Variants in SLFN11 observed in about 807,000 individuals in gnomAD.
The protein encoded by SLFN11 is schlafen family member 11.
A neutral mutation model predicts 53.4 loss-of-function variants in SLFN11; 43 were observed. The observed-to-expected ratio is 0.80, with a 90% CI of 0.63 to 1.04. SLFN11 has a LOEUF of 1.04. Ranked by LOEUF, SLFN11 falls within the 50% of genes least tolerant of loss-of-function variation. The probability of loss-of-function intolerance (pLI) is 0.00; values close to 1 mark genes in which losing one functional copy is unlikely to be tolerated. For synonymous variants in SLFN11, 389 were observed against 394.7 expected (o/e 0.99, Z 0.17); for missense variants, 990 against 1,079.1 (o/e 0.92, Z 1.16).
Position 35,350,874 on chromosome 17 carries a change from T to C in SLFN11, c.*1482A>G, listed in dbSNP as rs1265900831. On this transcript the variant is annotated 3_prime_UTR_variant, in exon 7 of 7. Transcript: ENST00000685675. The stretch of plus-strand genomic sequence containing the variant: ...ATATTGGTCATATGATTTCTTAGTT[T>C]CCATTAGTTATGCAAATATTTTACT... The C allele has an allele frequency of 1.3e-5, 2 of 152,234 alleles. No individual in the cohort carries two copies. Among genetic ancestry groups the C allele is most frequent in the Non-Finnish European group, 2.9e-5 (2 of 68,046 alleles). 9.4% of individuals were successfully genotyped at this position (152,234 alleles called of 1,614,324 possible).
intron 3 of SLFN11, among the ~76,000 whole-genome samples, chr17:35,365,778 G>A (rs938023258): frequency 1.3e-5 from 2 of 151,668 alleles, no homozygotes; most frequent in East Asian, 1.9e-4. Flanking sequence ...TTAAAAAGCA[G>A]GTTTGCAAAA....
Position 35,363,386 on chromosome 17 carries a change from C to G in SLFN11, c.422G>C (p.Arg141Pro). 2 of 1,613,926 alleles carry G rather than the reference C, an allele frequency of 1.2e-6. No homozygotes were observed. The highest frequency in any genetic ancestry group is 1.7e-6 in the Non-Finnish European group (2 of 1,179,978). The change falls in exon 4 of 7, where the codon CGT becomes CCT. Residue 141 changes from arginine to proline, a missense_variant. Arg to Pro is a moderately radical substitution (Grantham distance 103). Transcript: ENST00000685675. ...SLYRRSETSVRSMDSREAFCF... is the reference protein window; with the variant it reads ...SLYRRSETSVPSMDSREAFCF... ...GAATGCCTCTCTTGAGTCCATGGAA[C>G]GCACAGAGGTCTCAGATCTACGGTA...
Position 35,363,377 on chromosome 17 carries a change from T to A in SLFN11, c.431A>T (p.Asp144Val), listed in dbSNP as rs1466005462. Reference sequence around the variant, plus strand: ...CAGGAAACAGAATGCCTCTCTTGAGTCCATGGAACGCACAGAGGTCTCAGA... The same window carrying A: ...CAGGAAACAGAATGCCTCTCTTGAGACCATGGAACGCACAGAGGTCTCAGA... ...RRSETSVRSM[D>V]SREAFCFLKT... The change falls in exon 4 of 7, where the codon GAC (aspartate) becomes GTC (valine). Residue 144 changes from aspartate (D) to valine (V), a missense_variant. Physicochemically the swap from Asp to Val is radical, Grantham distance 152. Coordinates refer to ENST00000685675, the MANE Select transcript of SLFN11 (RefSeq NM_001376007.1). 5.0e-6 allele frequency: 8 copies of A among 1,613,856 alleles called. No homozygotes were observed. The highest frequency in any genetic ancestry group is 6.8e-6 in the Non-Finnish European group (8 of 1,179,994).
At position 35,363,825 on chromosome 17, in the gene SLFN11, A is replaced by T; in HGVS notation, c.-18T>A. The T allele has an allele frequency of 6.5e-7, 1 of 1,538,638 alleles. No individual in the cohort carries two copies. The highest frequency in any genetic ancestry group is 8.7e-7 in the Non-Finnish European group (1 of 1,147,774). ...GCCTCCATGTTGAACTCACAGCTGA[A>T]ACTATTAGAAGAAATGAAGTGTTAC... On this transcript the variant is annotated splice_region_variant and 5_prime_UTR_variant, in exon 4 of 7. Transcript: ENST00000685675.
Position 35,353,469 on chromosome 17 carries a change from C to G in SLFN11, c.1789G>C (p.Val597Leu), listed in dbSNP as rs776706857. ...TTCCCTGAGCCAGGTAAGCCGTGGA[C>G]AAACAACTCTCTGTTCTTGCGGAGG... Reference protein sequence around the residue: ...RSLRKNRELFVHGLPGSGKTI... With the variant: ...RSLRKNRELFLHGLPGSGKTI... Residue 597 changes from valine (V) to leucine (L), a missense_variant, in exon 6 of 7, where the codon GTC (valine) becomes CTC (leucine). Val to Leu is a conservative substitution (Grantham distance 32, BLOSUM62 1). Around this residue, in one of 3 missense-constraint regions of SLFN11, gnomAD observed 156 missense variants for 241.9 expected, o/e 0.64. Coordinates refer to ENST00000685675, the MANE Select transcript of SLFN11 (RefSeq NM_001376007.1). The G allele has an allele frequency of 6.3e-7, 1 of 1,593,654 alleles. No individual in the cohort carries two copies. Among genetic ancestry groups the G allele is most frequent in the Non-Finnish European group, 8.6e-7 (1 of 1,169,578 alleles).
Position 35,354,070 on chromosome 17 carries a change from A to C in SLFN11, c.1199-11T>G. 1 of 1,563,266 alleles carries C rather than the reference A, an allele frequency of 6.4e-7. No individual in the cohort carries two copies. The highest frequency in any genetic ancestry group is 8.7e-7 in the Non-Finnish European group (1 of 1,154,820). On this transcript the variant is annotated splice_polypyrimidine_tract_variant and intron_variant, in intron 5 of 6. Transcript: ENST00000685675. ...AATATCCTGGTGGGACTGTATGTGAAAAGAATGATAAATTAGAGGAAGAGA... is the reference window on the plus strand; with the variant it reads ...AATATCCTGGTGGGACTGTATGTGACAAGAATGATAAATTAGAGGAAGAGA...
At chr17:35,366,677 G>A (rs1908995494) in intron 3 of SLFN11, among the ~76,000 whole-genome samples, 1 of 152,062 alleles carries the variant, frequency 6.6e-6, no homozygotes, top group Non-Finnish European at 1.5e-5. Flanking sequence ...GTCTCAGTGG[G>A]TGCTAGTAAC....
chr17:35,369,528 G>A (rs928714956), intron 1 of SLFN11, among the ~76,000 whole-genome samples: 3 of 152,098 alleles, frequency 2.0e-5, no homozygotes, highest in Admixed American at 2.0e-4. Context: ...CCTAGGGCCT[G>A]GGGGAACTTG....
rs545102309 is a variant in SLFN11 at position 35,352,590 on chromosome 17, A to G, written c.2472T>C (p.Tyr824=). The G allele has an allele frequency of 2.5e-6, 4 of 1,614,122 alleles. No homozygotes were observed. The highest frequency in any genetic ancestry group is 3.4e-6 in the Non-Finnish European group (4 of 1,180,060). ...STAKEVEHYK[Y]ELLKAMRKKR... ...TCTTCCTCATTGCTTTCAAGAGCTC[A>G]TACTTATAGTGCTCCACTTCTTTTG... is the stretch of plus-strand genomic sequence containing the variant. The change falls in exon 7 of 7, where the codon TAT becomes TAC. Residue 824 remains tyrosine (Y), a synonymous_variant. Coordinates refer to ENST00000685675, the MANE Select transcript of SLFN11 (RefSeq NM_001376007.1).
chr17:35,373,399 C>T (rs1475210868), intron 1 of SLFN11, 75 bp downstream of exon 1: 2 of 151,700 alleles, frequency 1.3e-5, no homozygotes, highest in Non-Finnish European at 2.9e-5. Flanking sequence ...AGCCCCTCCG[C>T]ACCCCTCCAG....
rs1232620403 is a variant in SLFN11, at chr17:35,367,588, A to C, written c.-137+15T>G. The C allele has an allele frequency of 6.6e-6, 1 of 152,194 alleles. No individual in the cohort carries two copies. The highest frequency in any genetic ancestry group is 2.4e-5 in the African/African-American group (1 of 41,458). 9.4% of individuals were successfully genotyped at this position (152,194 alleles called of 1,614,324 possible). ...CACCTGATTCTAGTCAGTTTACAGGATAACTTTTTCAAACCTTTCAGTGTA... is the reference window on the plus strand; with the variant it reads ...CACCTGATTCTAGTCAGTTTACAGGCTAACTTTTTCAAACCTTTCAGTGTA... On this transcript the variant is annotated intron_variant, in intron 2 of 6. Coordinates refer to ENST00000685675, the MANE Select transcript of SLFN11 (RefSeq NM_001376007.1).
intron 4 of SLFN11, among the ~76,000 whole-genome samples, chr17:35,361,537 C>T (rs1484735012): frequency 2.6e-5 from 4 of 152,012 alleles, no homozygotes; most frequent in Admixed American, 6.5e-5. Flanking sequence ...TAATGGCTCA[C>T]TGCAGCCTCA....
rs781575425 is a variant in SLFN11 at position 35,353,954 on chromosome 17, A to G, written c.1304T>C (p.Phe435Ser). The change falls in exon 6 of 7, where the codon TTT (phenylalanine) becomes TCT (serine). Residue 435 changes from phenylalanine (F) to serine (S), a missense_variant. Transcript: ENST00000685675. ...ELINKQMQPF[F>S]RGILIFSRSW... ...TCTAGAGAAGATCAAAATTCCCCGAAAGAAAGGTTGCATTTGCTTATTTAT... is the reference window on the plus strand; with the variant it reads ...TCTAGAGAAGATCAAAATTCCCCGAGAGAAAGGTTGCATTTGCTTATTTAT... The G allele has an allele frequency of 9.9e-6, 16 of 1,613,874 alleles. No homozygotes were observed. The highest frequency in any genetic ancestry group is 4.4e-5 in the South Asian group (4 of 91,088).
In SLFN11 at chr17:35,352,551, C is replaced by T. The variant is rs1906837147; in HGVS notation, c.2511G>A (p.Gln837=). The change falls in exon 7 of 7, where the codon CAG becomes CAA. Residue 837 remains glutamine, a synonymous_variant. Transcript: ENST00000685675. The stretch of plus-strand genomic sequence containing the variant: ...CCAACATATCACATGCATCACTGAG[C>T]TGCACCACCCTTTTCTTCCTCATTG... ...LKAMRKKRVV[Q]LSDACDMLGD... is the part of the protein sequence containing the mutation. 6.2e-7 allele frequency: 1 copy of T among 1,614,076 alleles called. No individual in the cohort carries two copies. The highest frequency in any genetic ancestry group is 8.5e-7 in the Non-Finnish European group (1 of 1,180,048).
chr17:35,363,134 T>A lies in SLFN11; in HGVS notation c.674A>T (p.Glu225Val), dbSNP rs983484263. The change falls in exon 4 of 7, where the codon GAA becomes GTA. Residue 225 changes from glutamate to valine, a missense_variant. Physicochemically the swap from Glu to Val is moderately radical, Grantham distance 121. This residue lies in a region of SLFN11 where 521 missense variants were observed against 516.2 expected (regional missense o/e 1.01). Transcript: ENST00000685675. ...TTCTGGAATTGTCCTTTTTACATAT[T>A]CTTGGAAGTGTTTTGTAGAGAACTG... is the stretch of plus-strand genomic sequence containing the variant. ...FKQFSTKHFQ[E>V]YVKRTIPEYV... 11 of 1,613,816 alleles carry A rather than the reference T, an allele frequency of 6.8e-6. No individual in the cohort carries two copies. In the Admixed American group the frequency reaches 1.7e-4, roughly 24 times the overall value.
At position 35,352,157 on chromosome 17, in the gene SLFN11, G is replaced by A. The variant is rs1043922657; in HGVS notation, c.*199C>T. The A allele has an allele frequency of 1.3e-5, 8 of 635,962 alleles. No individual in the cohort carries two copies. Among genetic ancestry groups the A allele is most frequent in the African/African-American group, 1.9e-5 (1 of 52,298 alleles). 39.4% of individuals were successfully genotyped at this position (635,962 alleles called of 1,614,324 possible). A position where few individuals can be genotyped will look rare whatever the true frequency, so the allele number is the denominator to read the frequency against. The stretch of plus-strand genomic sequence containing the variant: ...ATCTTTCTGGCTGGAAGAGTCAGGG[G>A]TCAGAATGGGGGGCAGCCACCGCTG... On this transcript the variant is annotated 3_prime_UTR_variant, in exon 7 of 7. Coordinates refer to ENST00000685675, the MANE Select transcript of SLFN11 (RefSeq NM_001376007.1).
In SLFN11 at chr17:35,361,487, A is replaced by G. The variant is rs901498286; in HGVS notation, c.1070-1116T>C. Among the ~76,000 whole-genome samples, 200 of 151,944 alleles carry G rather than the reference A, an allele frequency of 1.3e-3. 1 individual carries two copies. Among genetic ancestry groups the G allele is most frequent in the Non-Finnish European group, 2.5e-3 (167 of 67,998 alleles). On this transcript the variant is annotated intron_variant, in intron 4 of 6. Coordinates refer to ENST00000685675, the MANE Select transcript of SLFN11 (RefSeq NM_001376007.1). Reference sequence around the variant, plus strand: ...CTTTCTGTTCTTTTGTTTTTGAGACAGGGTCTCACTCTCACCCATGCTGGG... The same window carrying G: ...CTTTCTGTTCTTTTGTTTTTGAGACGGGGTCTCACTCTCACCCATGCTGGG...
rs1908449339 is a variant in SLFN11 at position 35,363,053 on chromosome 17, T to A, written c.755A>T (p.Asp252Val). 1 of 1,613,924 alleles carries A rather than the reference T, an allele frequency of 6.2e-7. No individual in the cohort carries two copies. Among genetic ancestry groups the A allele is most frequent in the African/African-American group, 1.3e-5 (1 of 74,916 alleles). ...GGGYLFIGVDDKSREVLGCAK... is the reference protein window; with the variant it reads ...GGGYLFIGVDVKSREVLGCAK... ...ACATCCCAGGACTTCCCTACTCTTA[T>A]CATCCACTCCAATAAAAAGATAGCC... The change falls in exon 4 of 7, where the codon GAT (aspartate) becomes GTT (valine). Residue 252 changes from aspartate (D) to valine (V), a missense_variant. Transcript: ENST00000685675.
chr17:35,366,397 A>G (rs8074360), intron 3 of SLFN11, among the ~76,000 whole-genome samples: 150,055 of 152,176 alleles, frequency 0.99, 74,011 homozygotes, highest in East Asian at 1. Flanking sequence ...TATTTAAAAC[A>G]AAATTGTAAA....
Sources: allele counts gnomAD v4.1 joint callset (sites outside exome capture counted in the v4.1 genomes callset), GRCh38; gene constraint gnomAD v4.1.1; regional missense constraint gnomAD v4.1.1; transcripts MANE v1.5; gene names NCBI Gene and HGNC (gene_info 2026-07-23, HGNC 2026-07-21).